KLF12: variants seen among roughly 807,000 people sequenced by gnomAD.
The protein encoded by KLF12 is KLF transcription factor 12, also known as Krueppel-like factor 12.
In KLF12, 9 loss-of-function variants were observed where a neutral mutation model predicts 37.8. The ratio of observed to expected loss-of-function variants is 0.24; its 90% CI spans 0.14 to 0.42. KLF12 has a LOEUF of 0.42. Among genes scored for constraint, KLF12 ranks in the 10% least tolerant of loss-of-function variants. KLF12 has a pLI of 1.00. For missense variants in KLF12, 411 were observed against 516.0 expected, an observed-to-expected ratio of 0.80 and a Z score of 1.97; for synonymous variants, 208 against 202.1, an observed-to-expected ratio of 1.03 and a Z score of -0.25.
the KLF12 span, among the ~76,000 whole-genome samples, chr13:74,164,955 G>A: frequency 6.6e-6 from 1 of 152,162 alleles, no homozygotes; most frequent in East Asian, 1.9e-4. Context: ...CAGAAATATA[G>A]TTAGATAGAA....
chr13:74,188,662 A>G, the KLF12 span, among the ~76,000 whole-genome samples: 1 of 152,094 alleles, frequency 6.6e-6, no homozygotes, highest in African/African-American at 2.4e-5. Context: ...AACATTTTAA[A>G]TATTATTTTT....
intron 1 of KLF12, among the ~76,000 whole-genome samples, chr13:74,116,804 C>A (rs950074792): frequency 6.6e-6 from 1 of 151,916 alleles, no homozygotes; most frequent in Non-Finnish European, 1.5e-5. Context: ...TACTATCTAG[C>A]AGATTATAAA....
At chr13:73,816,403 A>C (rs1883223038) in intron 4 of KLF12, among the ~76,000 whole-genome samples, 1 of 152,212 alleles carries the variant, frequency 6.6e-6, no homozygotes, top group African/African-American at 2.4e-5. Context: ...ATTGCTCTTT[A>C]ATGAAAAAGG....
intron 1 of KLF12, among the ~76,000 whole-genome samples, chr13:74,129,688 G>GA (rs35405958): frequency 0.021 from 2,842 of 134,234 alleles, 52 homozygotes; most frequent in Middle Eastern, 0.038. Context: ...ACTTTAAGTT[G>GA]AAAAAAAAAA....
intron 1 of KLF12, among the ~76,000 whole-genome samples, chr13:74,025,707 T>C (rs1183600433): frequency 6.6e-6 from 1 of 152,232 alleles, no homozygotes; most frequent in Non-Finnish European, 1.5e-5. Context: ...TCCAGGTTTA[T>C]ATACTGCCTT....
chr13:74,029,606 G>A (rs553619389), intron 1 of KLF12, among the ~76,000 whole-genome samples: 6 of 152,120 alleles, frequency 3.9e-5, no homozygotes, highest in Non-Finnish European at 7.4e-5. Context: ...CCTATTAACG[G>A]GTTTAGGCAT....
At chr13:73,762,489 T>A (rs1261257018) in intron 6 of KLF12, among the ~76,000 whole-genome samples, 3 of 152,206 alleles carry the variant, frequency 2.0e-5, no homozygotes, top group Non-Finnish European at 4.4e-5. Flanking sequence ...TTAATAGTGT[T>A]AAGTTGGAGG....
chr13:73,876,152 TAAAA>T (rs66733197), intron 3 of KLF12, among the ~76,000 whole-genome samples: 3 of 120,112 alleles, frequency 2.5e-5, no homozygotes, highest in Admixed American at 1.6e-4. Flanking sequence ...TCAGCTAAAA[TAAAA>T]AAAAAAAAAA....
intron 2 of KLF12, among the ~76,000 whole-genome samples, chr13:73,948,090 G>A (rs751303473): frequency 7.2e-5 from 11 of 152,180 alleles, no homozygotes; most frequent in African/African-American, 2.2e-4. Context: ...AAATCTTCAC[G>A]TTCAGCTACA....
chr13:74,245,798 C>A, the KLF12 span, among the ~76,000 whole-genome samples: 1 of 152,256 alleles, frequency 6.6e-6, no homozygotes, highest in Non-Finnish European at 1.5e-5. Context: ...TAACCACTTA[C>A]CTCTTGTAAA....
intron 7 of KLF12, among the ~76,000 whole-genome samples, chr13:73,710,353 CTT>C (rs1343225216): frequency 6.6e-6 from 1 of 151,122 alleles, no homozygotes; most frequent in Non-Finnish European, 1.5e-5. Context: ...CTGCACTTCA[CTT>C]TATTGCATTT....
chr13:73,994,435 C>T (rs1299453265), intron 2 of KLF12, among the ~76,000 whole-genome samples: 3 of 150,992 alleles, frequency 2.0e-5, no homozygotes, highest in African/African-American at 7.3e-5. Context: ...AGGTAATACC[C>T]ACCATTTGAG....
At chr13:74,179,505 G>C in the KLF12 span, among the ~76,000 whole-genome samples, 1 of 152,100 alleles carries the variant, frequency 6.6e-6, no homozygotes, top group Admixed American at 6.6e-5. Context: ...TTTAAATGAA[G>C]GGAGCTGTAT....
At chr13:74,006,546 C>T (rs1220616679) in intron 1 of KLF12, among the ~76,000 whole-genome samples, 1 of 152,184 alleles carries the variant, frequency 6.6e-6, no homozygotes, top group Non-Finnish European at 1.5e-5. Flanking sequence ...TCTGGAATTA[C>T]GACAGCCATG....
At chr13:73,986,600 T>A (rs1891834558) in intron 2 of KLF12, among the ~76,000 whole-genome samples, 1 of 152,138 alleles carries the variant, frequency 6.6e-6, no homozygotes, top group African/African-American at 2.4e-5. Context: ...CAAAGGGGAA[T>A]GAAAGTCACA....
At chr13:73,861,419 T>C (rs1043898143) in intron 3 of KLF12, among the ~76,000 whole-genome samples, 1 of 152,224 alleles carries the variant, frequency 6.6e-6, no homozygotes, top group African/African-American at 2.4e-5. Context: ...TCATGTTAAT[T>C]CCATTCTTCT....
chr13:74,130,242 A>G (rs1878184865), intron 1 of KLF12, among the ~76,000 whole-genome samples: 1 of 152,244 alleles, frequency 6.6e-6, no homozygotes, highest in Non-Finnish European at 1.5e-5. Context: ...GCCGAAAAAC[A>G]AGTAAGTGTG....
At chr13:74,099,074 G>A (rs1876150479) in intron 1 of KLF12, among the ~76,000 whole-genome samples, 1 of 152,148 alleles carries the variant, frequency 6.6e-6, no homozygotes, top group Non-Finnish European at 1.5e-5. Context: ...TGGACCAGGT[G>A]GGGTGGCTCA....
the KLF12 span, among the ~76,000 whole-genome samples, chr13:74,301,898 C>A: frequency 2.0e-5 from 3 of 152,150 alleles, no homozygotes; most frequent in Admixed American, 2.0e-4. Context: ...CCAGCACCCT[C>A]TCCCGTGTTA....
Sources: allele counts gnomAD v4.1 joint callset (sites outside exome capture counted in the v4.1 genomes callset), GRCh38; gene constraint gnomAD v4.1.1; transcripts MANE v1.5; gene names NCBI Gene and HGNC (gene_info 2026-07-23, HGNC 2026-07-21).